Variants in MUC13 observed in about 807,000 individuals in gnomAD.
MUC13 encodes the protein mucin 13, cell surface associated.
MUC13 carries 32 observed loss-of-function variants against 48.3 expected under a neutral mutation model. The observed-to-expected ratio is 0.66, with a 90% CI of 0.50 to 0.89. MUC13 has a LOEUF of 0.89. Ranked by LOEUF, MUC13 falls within the 40% of genes least tolerant of loss-of-function variation. The probability of loss-of-function intolerance (pLI) is 0.00; values close to 1 mark genes in which losing one functional copy is unlikely to be tolerated. For synonymous variants in MUC13, 199 were observed against 224.9 expected (o/e 0.88, Z 1.03); for missense variants, 571 against 622.8 (o/e 0.92, Z 0.88).
chr3:124,920,394 C>A, intron 4 of MUC13, 105 bp from the exon 5 acceptor site: 2 of 872,882 alleles, frequency 2.3e-6, no homozygotes, highest in Non-Finnish European at 3.6e-6. Flanking sequence ...TAGCTTTTAA[C>A]AGGATCCAAC....
chr3:124,920,403 A>C, intron 4 of MUC13, 114 bp from the exon 5 acceptor site: 8 of 801,140 alleles, frequency 1.0e-5, no homozygotes, highest in Non-Finnish European at 1.2e-5. Flanking sequence ...ACAGGATCCA[A>C]CTGGGTAGAA....
chr3:124,922,643 A>G (rs1935619913), intron 3 of MUC13, among the ~76,000 whole-genome samples: 1 of 134,358 alleles, frequency 7.4e-6, no homozygotes, highest in Non-Finnish European at 1.5e-5. Context: ...GTCTTGCTCT[A>G]TCACCCAGGC....
intron 10 of MUC13, 99 bp from the exon 11 acceptor site, chr3:124,908,447 A>G: frequency 3.1e-6 from 3 of 975,988 alleles, no homozygotes; most frequent in Non-Finnish European, 4.5e-6. Flanking sequence ...TTCTGAAATA[A>G]TCTCACATTT....
intron 3 of MUC13, among the ~76,000 whole-genome samples, chr3:124,922,584 G>A (rs1935616876): frequency 7.1e-6 from 1 of 140,816 alleles, no homozygotes; most frequent in Admixed American, 7.2e-5. Context: ...CCAAATCGTT[G>A]CCTAGTCTTT....
chr3:124,917,683 A>T (rs1935531845), intron 5 of MUC13, among the ~76,000 whole-genome samples: 1 of 133,002 alleles, frequency 7.5e-6, no homozygotes, highest in South Asian at 2.5e-4. Flanking sequence ...AAAAAATGTA[A>T]TGGGCTTCAG....
intron 8 of MUC13, 83 bp from the exon 9 acceptor site, chr3:124,912,224 C>T: frequency 1.3e-6 from 2 of 1,559,550 alleles, no homozygotes; most frequent in Non-Finnish European, 1.7e-6. Flanking sequence ...ATCTCCACCT[C>T]TTCCTTTCCA....
At chr3:124,923,476 C>T in intron 3 of MUC13, 51 bp downstream of exon 3, 1 of 1,571,088 alleles carries the variant, frequency 6.4e-7, no homozygotes, top group Non-Finnish European at 8.6e-7. Flanking sequence ...TTCGATTCCA[C>T]TTTTGGTGTG....
In MUC13 at chr3:124,913,599, GT is replaced by G. The variant is rs768593532; in HGVS notation, c.1046del (p.Asp349AlafsTer31). ...GGCTCTGTGGGTTAGGCCTTTGCAG[GT>G]CAGATTTGCAATCGCATGCTAAACC... ...LNGLACDCKS[D>X]LQRPNPQSPF... On this transcript the variant is annotated frameshift_variant, in exon 7 of 12. Transcript: ENST00000616727. LOFTEE classifies it high-confidence loss of function. The G allele has an allele frequency of 3.7e-6, 6 of 1,614,198 alleles. No homozygotes were observed. The highest frequency in any genetic ancestry group is 5.1e-6 in the Non-Finnish European group (6 of 1,180,034).
In MUC13 at chr3:124,906,549, T is replaced by C. The variant is rs1290814070; in HGVS notation, c.*194A>G. ...CTACATTTAATGTCATAGATTCTTA[T>C]TTAGCAAGTGAGCTGGATTCGTTGC... On this transcript the variant is annotated 3_prime_UTR_variant, in exon 12 of 12. Coordinates refer to ENST00000616727, the MANE Select transcript of MUC13 (RefSeq NM_033049.4). 39 of 152,218 alleles carry C rather than the reference T, an allele frequency of 2.6e-4. No homozygotes were observed. Among genetic ancestry groups the C allele is most frequent in the Admixed American group, 2.6e-3 (39 of 15,280 alleles). 9.4% of individuals were successfully genotyped at this position (152,218 alleles called of 1,614,324 possible). A position where few individuals can be genotyped will look rare whatever the true frequency, so the allele number is the denominator to read the frequency against.
At position 124,910,557 on chromosome 3, in the gene MUC13, T is replaced by A; in HGVS notation, c.1253-58A>T. On this transcript the variant is annotated intron_variant, in intron 9 of 11. Coordinates refer to ENST00000616727, the MANE Select transcript of MUC13 (RefSeq NM_033049.4). The stretch of plus-strand genomic sequence containing the variant: ...AACAAGCTGGCCCCCAACTGTCTAC[T>A]GCACAGGTTCGTGTATTCCCAGGGA... 3 of 1,603,790 alleles carry A rather than the reference T, an allele frequency of 1.9e-6. No homozygotes were observed. The South Asian group carries it at 3.3e-5, about 18-fold the overall frequency.
At chr3:124,923,376 G>A (rs775490047) in intron 3 of MUC13, 151 bp downstream of exon 3, 3 of 735,872 alleles carry the variant, frequency 4.1e-6, no homozygotes, top group Non-Finnish European at 6.5e-6. Flanking sequence ...CTAGGTAACA[G>A]CACTTTTCTC....
chr3:124,911,916 C>G (rs1023467797), intron 9 of MUC13, among the ~76,000 whole-genome samples, 188 bp downstream of exon 9: 1 of 152,160 alleles, frequency 6.6e-6, no homozygotes, highest in Non-Finnish European at 1.5e-5. Context: ...GGCAGAGGGG[C>G]TGCTGTTCAT....
At position 124,922,303 on chromosome 3, in the gene MUC13, C is replaced by T; in HGVS notation, c.638G>A (p.Gly213Glu). Residue 213 changes from glycine (G) to glutamate (E), a missense_variant and splice_region_variant, in exon 4 of 12, where the codon GGA becomes GAA. By Grantham distance (98) the Gly-to-Glu change is moderately conservative. Coordinates refer to ENST00000616727, the MANE Select transcript of MUC13 (RefSeq NM_033049.4). ...YYYNSSTCKKGKVFPGKISVT... is the reference protein window; with the variant it reads ...YYYNSSTCKKEKVFPGKISVT... ...TGAAATCTTCCCAGGGAATACCTTT[C>T]CTGAAAGTTAAGCAGAATCTTTCTG... The T allele has an allele frequency of 1.2e-6, 2 of 1,613,072 alleles. No homozygotes were observed. Among genetic ancestry groups the T allele is most frequent in the Non-Finnish European group, 1.7e-6 (2 of 1,179,618 alleles).
chr3:124,921,095 G>C (rs1935586896), intron 4 of MUC13, among the ~76,000 whole-genome samples: 1 of 152,020 alleles, frequency 6.6e-6, no homozygotes, highest in Non-Finnish European at 1.5e-5. Context: ...TTCAAATTGA[G>C]AGACATTGTC....
Position 124,927,798 on chromosome 3 carries a change from G to T in MUC13, c.248C>A (p.Pro83His). Reference protein sequence around the residue: ...IISTHSSSTIPTPAPPIISTH... With the variant: ...IISTHSSSTIHTPAPPIISTH... ...ACTAATTATGGGGGGAGCAGGTGTAGGAATTGTGGAGGAACTATGTGTACT... is the reference window on the plus strand; with the variant it reads ...ACTAATTATGGGGGGAGCAGGTGTATGAATTGTGGAGGAACTATGTGTACT... The change falls in exon 2 of 12, where the codon CCT (proline) becomes CAT (histidine). Residue 83 changes from proline (P) to histidine (H), a missense_variant. Transcript: ENST00000616727. The T allele has an allele frequency of 6.2e-7, 1 of 1,614,176 alleles. No homozygotes were observed. The highest frequency in any genetic ancestry group is 1.6e-4 in the Middle Eastern group (1 of 6,062).
At position 124,927,674 on chromosome 3, in the gene MUC13, T is replaced by C. The variant is rs1560001076; in HGVS notation, c.372A>G (p.Ser124=). 1.9e-6 allele frequency: 3 copies of C among 1,614,116 alleles called. No homozygotes were observed. Among genetic ancestry groups the C allele is most frequent in the African/African-American group, 1.3e-5 (1 of 74,946 alleles). ...TTGTGATTAATCCATCATTTGGAGA[T>C]GAAGCGGTGATTATGTCAGAGGTAG... ...SLATSDIITA[S]SPNDGLITMV... The change falls in exon 2 of 12, where the codon TCA becomes TCG. Residue 124 remains serine (S), a synonymous_variant. Coordinates refer to ENST00000616727, the MANE Select transcript of MUC13 (RefSeq NM_033049.4).
Position 124,920,219 on chromosome 3 carries a change from C to G in MUC13, c.800+15G>C. The G allele has an allele frequency of 1.3e-6, 2 of 1,599,670 alleles. No homozygotes were observed. The highest frequency in any genetic ancestry group is 1.7e-6 in the Non-Finnish European group (2 of 1,170,824). The stretch of plus-strand genomic sequence containing the variant: ...GACACACATCTGCCTCCAAAATTGT[C>G]CATAACAAACTTACCTTACAGTAAG... On this transcript the variant is annotated intron_variant, in intron 5 of 11. Coordinates refer to ENST00000616727, the MANE Select transcript of MUC13 (RefSeq NM_033049.4).
intron 5 of MUC13, among the ~76,000 whole-genome samples, chr3:124,918,689 G>A (rs1057239724): frequency 6.6e-6 from 1 of 152,222 alleles, no homozygotes; most frequent in African/African-American, 2.4e-5. Flanking sequence ...CCAAGGCCAG[G>A]ATTCAAGTAC....
rs189194460 is a variant in MUC13, at chr3:124,914,850, C to T, written c.965-1169G>A. Among the ~76,000 whole-genome samples the T allele has an allele frequency of 2.9e-4, 44 of 152,046 alleles. 1 individual carries two copies. Among genetic ancestry groups the T allele is most frequent in the Non-Finnish European group, 1.6e-4 (11 of 68,004 alleles). On this transcript the variant is annotated intron_variant, in intron 6 of 11. Transcript: ENST00000616727. ...CTGAGGCAGGAGAATCGCTTGAACC[C>T]GGGAGTTGGAGGTTGTGGTGAGCCA...
Sources: gnomAD v4.1 joint callset for allele counts (sites outside exome capture counted in the v4.1 genomes callset) on GRCh38, gnomAD v4.1.1 for gene constraint, MANE v1.5 for transcripts, NCBI Gene and HGNC (gene_info 2026-07-23, HGNC 2026-07-21) for gene names.